The following SHISA9 variants were observed in gnomAD, a reference collection of about 807,000 sequenced individuals.
SHISA9 encodes the protein shisa family member 9.
SHISA9 carries 13 observed loss-of-function variants against 38.0 expected under a neutral mutation model. That is an observed-to-expected ratio of 0.34 (90% confidence interval 0.22 to 0.54). The LOEUF is 0.54. Ranked by LOEUF, SHISA9 falls within the 20% of genes least tolerant of loss-of-function variation. The pLI is 0.91. For missense variants in SHISA9, 538 were observed against 575.8 expected, an observed-to-expected ratio of 0.93 and a Z score of 0.67; for synonymous variants, 275 against 242.0, an observed-to-expected ratio of 1.14 and a Z score of -1.27.
chr16:13,139,196 A>G (rs1041216528), intron 2 of SHISA9, among the ~76,000 whole-genome samples: 5 of 151,062 alleles, frequency 3.3e-5, no homozygotes, highest in Admixed American at 1.3e-4. Context: ...TATTCCCTCT[A>G]TTATCTCCCT....
chr16:13,042,962 G>A (rs1210051312), intron 2 of SHISA9, among the ~76,000 whole-genome samples: 7 of 152,158 alleles, frequency 4.6e-5, no homozygotes, highest in Admixed American at 4.6e-4. Context: ...GGTAATGCTG[G>A]CTTCTAGAAC....
the SHISA9 span, among the ~76,000 whole-genome samples, chr16:13,551,590 C>T: frequency 6.6e-6 from 1 of 152,202 alleles, no homozygotes; most frequent in Non-Finnish European, 1.5e-5. Flanking sequence ...CACTGACATA[C>T]ATTCATGTAC....
At chr16:12,952,702 T>G (rs1302527598) in intron 2 of SHISA9, among the ~76,000 whole-genome samples, 1 of 152,206 alleles carries the variant, frequency 6.6e-6, no homozygotes, top group African/African-American at 2.4e-5. Flanking sequence ...TCTTTCTCCC[T>G]TCTTCTGCCA....
intron 2 of SHISA9, among the ~76,000 whole-genome samples, chr16:13,182,714 A>C (rs893985791): frequency 2.6e-5 from 4 of 152,230 alleles, no homozygotes; most frequent in African/African-American, 9.6e-5. Context: ...CTCCACCACT[A>C]GGTGGAAAAA....
At chr16:13,273,511 T>C in the SHISA9 span, among the ~76,000 whole-genome samples, 3 of 152,174 alleles carry the variant, frequency 2.0e-5, no homozygotes, top group African/African-American at 7.2e-5. Flanking sequence ...CTGCCATCCA[T>C]GTAAGATTTG....
At chr16:13,200,548 G>A (rs1344795436) in intron 2 of SHISA9, among the ~76,000 whole-genome samples, 1 of 152,064 alleles carries the variant, frequency 6.6e-6, no homozygotes, top group African/African-American at 2.4e-5. Flanking sequence ...CATGCCCAGG[G>A]GAAGCAGACA....
At chr16:13,313,205 A>G in the SHISA9 span, among the ~76,000 whole-genome samples, 84 of 146,802 alleles carry the variant, frequency 5.7e-4, no homozygotes, top group Non-Finnish European at 1.1e-3. Context: ...CAGTGAGCCG[A>G]GATCCCGCCA....
chr16:13,463,644 T>A, the SHISA9 span, among the ~76,000 whole-genome samples: 1 of 152,222 alleles, frequency 6.6e-6, no homozygotes, highest in Non-Finnish European at 1.5e-5. Context: ...TCTGTTGCCT[T>A]AAAGAAAGAG....
intron 2 of SHISA9, among the ~76,000 whole-genome samples, chr16:13,095,768 C>G (rs188969703): frequency 6.6e-6 from 1 of 152,190 alleles, no homozygotes; most frequent in Non-Finnish European, 1.5e-5. Flanking sequence ...TGTGAATACT[C>G]GATAAATAGT....
chr16:13,304,373 C>A, the SHISA9 span, among the ~76,000 whole-genome samples: 1 of 152,240 alleles, frequency 6.6e-6, no homozygotes. Context: ...GAACCTCCCA[C>A]CTCAGCCTCC....
the SHISA9 span, among the ~76,000 whole-genome samples, chr16:13,338,496 G>A: frequency 6.6e-6 from 1 of 152,146 alleles, no homozygotes; most frequent in Non-Finnish European, 1.5e-5. Flanking sequence ...ATAGGAAGAG[G>A]AGACATCATA....
intron 3 of SHISA9, among the ~76,000 whole-genome samples, chr16:13,206,026 A>G (rs567374773): frequency 1.1e-4 from 17 of 151,970 alleles, no homozygotes; most frequent in African/African-American, 4.1e-4. Flanking sequence ...TGGCCTCCCA[A>G]AGTGCTGAGA....
chr16:13,405,381 C>T, the SHISA9 span, among the ~76,000 whole-genome samples: 14 of 152,138 alleles, frequency 9.2e-5, no homozygotes, highest in African/African-American at 3.4e-4. Flanking sequence ...TGCACTCACC[C>T]AGAAGATAGA....
intron 2 of SHISA9, among the ~76,000 whole-genome samples, chr16:13,119,435 ATTGT>A (rs1167822989): frequency 6.6e-6 from 1 of 152,102 alleles, no homozygotes; most frequent in African/African-American, 2.4e-5. Context: ...CTTTCAGTAG[ATTGT>A]TTATGTCACA....
chr16:13,129,634 G>A (rs1316453468), intron 2 of SHISA9, among the ~76,000 whole-genome samples: 2 of 152,216 alleles, frequency 1.3e-5, no homozygotes, highest in East Asian at 3.8e-4. Context: ...CAGTACACAG[G>A]TAGGGCTGTG....
chr16:13,373,812 C>T, the SHISA9 span, among the ~76,000 whole-genome samples: 1 of 150,680 alleles, frequency 6.6e-6, no homozygotes, highest in Non-Finnish European at 1.5e-5. Context: ...CCCCAAAAGG[C>T]TGTTGTGTGA....
intron 2 of SHISA9, among the ~76,000 whole-genome samples, chr16:13,198,969 GATAA>G (rs2050977394): frequency 6.6e-6 from 1 of 152,138 alleles, no homozygotes. Context: ...CAGGACTTGG[GATAA>G]ATAATCTAAA....
chr16:13,011,917 C>A (rs2072681613), intron 2 of SHISA9, among the ~76,000 whole-genome samples: 1 of 152,096 alleles, frequency 6.6e-6, no homozygotes, highest in African/African-American at 2.4e-5. Context: ...CCTCCACTTC[C>A]CAGGTTCAAG....
chr16:13,419,747 G>A, the SHISA9 span, among the ~76,000 whole-genome samples: 1 of 152,180 alleles, frequency 6.6e-6, no homozygotes, highest in African/African-American at 2.4e-5. Context: ...GTAGCCAGGA[G>A]CAATCATAAA....
Sources: gnomAD v4.1 joint callset for allele counts (sites outside exome capture counted in the v4.1 genomes callset) on GRCh38, gnomAD v4.1.1 for gene constraint, MANE v1.5 for transcripts, NCBI Gene and HGNC (gene_info 2026-07-23, HGNC 2026-07-21) for gene names.